NPHP1: variants seen among roughly 807,000 people sequenced by gnomAD.
NPHP1 encodes nephrocystin 1, also known as nephrocystin-1.
A neutral mutation model predicts 90.4 loss-of-function variants in NPHP1; 70 were observed. The ratio of observed to expected loss-of-function variants is 0.77; its 90% confidence interval spans 0.64 to 0.95. The LOEUF is 0.95. NPHP1 is among the 40% of genes least tolerant of loss of function. NPHP1 has a pLI of 0.00. For missense variants in NPHP1, 764 were observed against 795.9 expected, an observed-to-expected ratio of 0.96 and a Z score of 0.48; for synonymous variants, 256 against 271.7, an observed-to-expected ratio of 0.94 and a Z score of 0.57.
At chr2:110,125,369 G>A in intron 19 of NPHP1, 1 of 1,499,246 alleles carries the variant, frequency 6.7e-7, no homozygotes, top group East Asian at 2.5e-5. Flanking sequence ...ACACAACTGA[G>A]AGACTTTGGC....
At chr2:110,139,046 A>C (rs900772863) in intron 16 of NPHP1, among the ~76,000 whole-genome samples, 7 of 152,160 alleles carry the variant, frequency 4.6e-5, no homozygotes. Flanking sequence ...ATTCACATGT[A>C]GACCAGCAAA....
chr2:110,165,869 C>T (rs1402524598), intron 6 of NPHP1, among the ~76,000 whole-genome samples: 1 of 152,104 alleles, frequency 6.6e-6, no homozygotes, highest in Non-Finnish European at 1.5e-5. Flanking sequence ...AATACCCTGA[C>T]TTGATTATTA....
chr2:110,203,804 GT>G (rs529602848), intron 1 of NPHP1, among the ~76,000 whole-genome samples: 128 of 144,182 alleles, frequency 8.9e-4, no homozygotes, highest in Middle Eastern at 3.6e-3. Context: ...TTTTTAAAAA[GT>G]TTTTTTTTTT....
At chr2:110,200,392 A>G (rs1685491827) in intron 2 of NPHP1, among the ~76,000 whole-genome samples, 1 of 151,706 alleles carries the variant, frequency 6.6e-6, no homozygotes, top group Non-Finnish European at 1.5e-5. Context: ...GATGAAACCC[A>G]TCTCTACTCA....
intron 6 of NPHP1, among the ~76,000 whole-genome samples, 194 bp downstream of exon 6, chr2:110,168,258 C>T (rs770752123): frequency 3.9e-5 from 6 of 152,138 alleles, no homozygotes; most frequent in Non-Finnish European, 7.4e-5. Flanking sequence ...GGCTCACATG[C>T]GTAAGAGCAC....
chr2:110,159,123 T>C (rs1682120775), intron 11 of NPHP1, among the ~76,000 whole-genome samples: 2 of 152,064 alleles, frequency 1.3e-5, no homozygotes, highest in South Asian at 4.1e-4. Context: ...ATTCCTGAAA[T>C]AAACCCCAAT....
intron 2 of NPHP1, among the ~76,000 whole-genome samples, chr2:110,181,054 C>T (rs1300220938): frequency 5.3e-5 from 8 of 152,146 alleles, no homozygotes; most frequent in Non-Finnish European, 1.0e-4. Flanking sequence ...CTTCCATGGC[C>T]CCCACTTCCA....
At chr2:110,159,374 T>A (rs1682139668) in intron 11 of NPHP1, among the ~76,000 whole-genome samples, 1 of 152,060 alleles carries the variant, frequency 6.6e-6, no homozygotes, top group Non-Finnish European at 1.5e-5. Context: ...TCTTTAAATG[T>A]TTGAAGAAAT....
intron 16 of NPHP1, among the ~76,000 whole-genome samples, chr2:110,140,029 G>A (rs976322721): frequency 2.0e-5 from 3 of 148,562 alleles, no homozygotes; most frequent in South Asian, 2.2e-4. Context: ...GCCCCACCCC[G>A]CCCCCTGACT....
chr2:110,168,458 G>T lies in NPHP1; in HGVS notation c.618C>A (p.Tyr206Ter). ...KGNEGLVPRT[Y>*]LEPYSEEEEG... ...GGCATAAACCAAGACTAACCTCTAG[G>T]TAGGTTCTGGGAACAAGACCTTCAT... The change falls in exon 6 of 20, where the codon TAC becomes TAA. Residue 206 changes from tyrosine (Y) to a stop codon, truncating the protein, a stop_gained. Coordinates refer to ENST00000445609, the MANE Select transcript of NPHP1 (RefSeq NM_001128178.3). LOFTEE classifies it high-confidence loss of function. The T allele has an allele frequency of 6.2e-7, 1 of 1,605,516 alleles. No homozygotes were observed. Among genetic ancestry groups the T allele is most frequent in the East Asian group, 2.2e-5 (1 of 44,770 alleles).
At chr2:110,142,125 C>A (rs1204549793) in intron 16 of NPHP1, among the ~76,000 whole-genome samples, 1 of 152,020 alleles carries the variant, frequency 6.6e-6, no homozygotes, top group Non-Finnish European at 1.5e-5. Flanking sequence ...AATTTGTACA[C>A]AAATGTTTAA....
rs73954628 is a variant in NPHP1, at chr2:110,164,649, G to A, written c.771+39C>T. ...TATTTCGCATCAGAACTATTAGGTA[G>A]CAAAACGAGACATGATTAACAAGAC... On this transcript the variant is annotated intron_variant, in intron 8 of 19. Coordinates refer to ENST00000445609, the MANE Select transcript of NPHP1 (RefSeq NM_001128178.3). The A allele has an allele frequency of 6.1e-3, 9,840 of 1,613,762 alleles. 454 individuals carry two copies. The African/African-American group carries it at 0.1, about 17-fold the overall frequency.
chr2:110,193,745 A>G (rs1684927031), intron 2 of NPHP1, among the ~76,000 whole-genome samples: 1 of 152,188 alleles, frequency 6.6e-6, no homozygotes. Context: ...AAAATTGACC[A>G]CATAGTTGGA....
chr2:110,170,362 G>A (rs1388276222), intron 4 of NPHP1, among the ~76,000 whole-genome samples: 1 of 152,170 alleles, frequency 6.6e-6, no homozygotes, highest in Non-Finnish European at 1.5e-5. Context: ...CCTCTTTGCT[G>A]GGTGACCTTG....
intron 4 of NPHP1, 174 bp downstream of exon 4, chr2:110,178,249 C>T (rs1683643849): frequency 4.7e-6 from 3 of 640,358 alleles, no homozygotes; most frequent in South Asian, 2.2e-5. Context: ...CACTTCTTTC[C>T]ATCTCTCATG....
intron 2 of NPHP1, among the ~76,000 whole-genome samples, chr2:110,198,039 G>T (rs1176192280): frequency 2.6e-5 from 4 of 152,004 alleles, no homozygotes; most frequent in African/African-American, 9.7e-5. Flanking sequence ...CACAAAAAAT[G>T]ATTAAAACGT....
intron 2 of NPHP1, among the ~76,000 whole-genome samples, chr2:110,183,561 C>T (rs898179753): frequency 2.6e-5 from 4 of 152,140 alleles, no homozygotes; most frequent in Admixed American, 1.3e-4. Flanking sequence ...CCACTCCACA[C>T]ACTATATTTC....
At chr2:110,142,804 A>C (rs1468181371) in intron 16 of NPHP1, among the ~76,000 whole-genome samples, 3 of 152,206 alleles carry the variant, frequency 2.0e-5, no homozygotes, top group African/African-American at 7.2e-5. Context: ...TCTGTACTGA[A>C]GTATAGTGTC....
intron 2 of NPHP1, among the ~76,000 whole-genome samples, chr2:110,188,809 T>A (rs898001346): frequency 6.6e-6 from 1 of 152,058 alleles, no homozygotes; most frequent in African/African-American, 2.4e-5. Flanking sequence ...CATAGGCCAA[T>A]GGAACAGAAT....
Sources: gnomAD v4.1 joint callset for allele counts (sites outside exome capture counted in the v4.1 genomes callset) on GRCh38, gnomAD v4.1.1 for gene constraint, MANE v1.5 for transcripts, NCBI Gene and HGNC (gene_info 2026-07-23, HGNC 2026-07-21) for gene names.